The following PTH2R variants were observed in gnomAD, a reference collection of about 807,000 sequenced individuals.
PTH2R encodes the protein PTH2 receptor.
In PTH2R, 59 loss-of-function variants were observed where a neutral mutation model predicts 60.3. The ratio of observed to expected loss-of-function variants is 0.98; its 90% CI spans 0.79 to 1.22. The LOEUF is 1.22. Ranked by LOEUF, PTH2R falls within the 50% of genes most tolerant of loss-of-function variation. The pLI is 0.00. For synonymous variants in PTH2R, 256 were observed against 243.8 expected (o/e 1.05, Z -0.47); for missense variants, 749 against 682.6 (o/e 1.10, Z -1.08).
At chr2:208,389,224 GCA>G (rs1174550555) in intron 1 of PTH2R, among the ~76,000 whole-genome samples, 4 of 106,196 alleles carry the variant, frequency 3.8e-5, no homozygotes, top group Non-Finnish European at 5.6e-5. Context: ...AAAAGGAAAT[GCA>G]TACACACACA....
chr2:208,398,653 A>G (rs1381487117), intron 1 of PTH2R, among the ~76,000 whole-genome samples: 6 of 152,230 alleles, frequency 3.9e-5, no homozygotes, highest in Non-Finnish European at 1.5e-5. Flanking sequence ...ATGTAATTAG[A>G]TCAATTCCCT....
intron 7 of PTH2R, among the ~76,000 whole-genome samples, chr2:208,446,684 T>C (rs1702294035): frequency 6.6e-6 from 1 of 152,184 alleles, no homozygotes; most frequent in African/African-American, 2.4e-5. Flanking sequence ...ATGAAAATAA[T>C]AGTAGTATTC....
intron 1 of PTH2R, among the ~76,000 whole-genome samples, chr2:208,415,769 T>A (rs1212041922): frequency 6.6e-6 from 1 of 152,166 alleles, no homozygotes; most frequent in Non-Finnish European, 1.5e-5. Flanking sequence ...TAAGATGAGA[T>A]ATCACATAAC....
intron 1 of PTH2R, among the ~76,000 whole-genome samples, chr2:208,362,660 C>T (rs1188852647): frequency 6.6e-6 from 1 of 152,086 alleles, no homozygotes; most frequent in Non-Finnish European, 1.5e-5. Context: ...TCTTTGAGAC[C>T]CTGCTCTGAG....
chr2:208,444,565 G>T (rs1702249954), intron 6 of PTH2R, among the ~76,000 whole-genome samples, 169 bp from the exon 7 acceptor site: 1 of 152,128 alleles, frequency 6.6e-6, no homozygotes, highest in African/African-American at 2.4e-5. Context: ...CTTGAAAAAT[G>T]ATGCATTAAA....
chr2:208,392,899 G>A (rs1265843855), intron 1 of PTH2R, among the ~76,000 whole-genome samples: 1 of 152,172 alleles, frequency 6.6e-6, no homozygotes, highest in Non-Finnish European at 1.5e-5. Context: ...CTCTGAGACT[G>A]GTTCTGAACC....
At chr2:208,417,233 C>T (rs138998580) in intron 1 of PTH2R, among the ~76,000 whole-genome samples, 375 of 152,132 alleles carry the variant, frequency 2.5e-3, no homozygotes, top group African/African-American at 8.7e-3. Context: ...ATTTATCTCT[C>T]GAAATGCATT....
chr2:208,488,391 C>A (rs1384342446), intron 10 of PTH2R, among the ~76,000 whole-genome samples: 1 of 152,138 alleles, frequency 6.6e-6, no homozygotes, highest in East Asian at 1.9e-4. Flanking sequence ...AGCTAAACTA[C>A]TTCTATGAAA....
chr2:208,414,593 A>G (rs1410566375), intron 1 of PTH2R, among the ~76,000 whole-genome samples: 1 of 152,010 alleles, frequency 6.6e-6, no homozygotes, highest in Non-Finnish European at 1.5e-5. Flanking sequence ...ATCTATTAGA[A>G]TAAGTAATTT....
At chr2:208,471,530 G>A (rs1034858072) in intron 9 of PTH2R, among the ~76,000 whole-genome samples, 4 of 152,244 alleles carry the variant, frequency 2.6e-5, no homozygotes, top group African/African-American at 7.2e-5. Flanking sequence ...TGTTGAGCCT[G>A]TAAGTATACA....
intron 1 of PTH2R, among the ~76,000 whole-genome samples, chr2:208,389,309 G>T (rs925613289): frequency 6.6e-6 from 1 of 151,328 alleles, no homozygotes; most frequent in African/African-American, 2.4e-5. Flanking sequence ...ATACTCCTTG[G>T]TGCAGCTCTA....
intron 1 of PTH2R, among the ~76,000 whole-genome samples, chr2:208,414,358 C>T (rs1226694102): frequency 1.3e-5 from 2 of 152,006 alleles, no homozygotes; most frequent in African/African-American, 4.8e-5. Context: ...AAGTGGAGCC[C>T]ATTTAATATA....
At chr2:208,437,086 G>T (rs942953204) in intron 2 of PTH2R, among the ~76,000 whole-genome samples, 1 of 152,200 alleles carries the variant, frequency 6.6e-6, no homozygotes, top group Non-Finnish European at 1.5e-5. Context: ...AGAAGTACTG[G>T]TAAAAAGATA....
intron 10 of PTH2R, among the ~76,000 whole-genome samples, chr2:208,481,387 T>G (rs1399351582): frequency 6.6e-6 from 1 of 152,026 alleles, no homozygotes; most frequent in Non-Finnish European, 1.5e-5. Context: ...ATTTTTGTAT[T>G]TTTAGTAGAG....
Position 208,385,351 on chromosome 2 carries a change from T to C in PTH2R, c.-259+25114T>C, listed in dbSNP as rs528019645. Among the ~76,000 whole-genome samples, 105 of 152,238 alleles carry C rather than the reference T, an allele frequency of 6.9e-4. 1 individual carries two copies. Among genetic ancestry groups the C allele is most frequent in the Middle Eastern group, 3.4e-3 (1 of 294 alleles). On this transcript the variant is annotated intron_variant, in intron 1 of 12. Transcript: ENST00000617735. ...CACTAATATTCAAAGAAATGCAAAT[T>C]AGAATAATAATACCCTTGTTGCTTG...
intron 1 of PTH2R, among the ~76,000 whole-genome samples, chr2:208,386,710 G>A (rs957604421): frequency 5.3e-5 from 8 of 152,164 alleles, no homozygotes; most frequent in African/African-American, 1.9e-4. Context: ...CCCATGGTTT[G>A]CAAATCACAG....
upstream of PTH2R, chr2:208,406,763 C>T (rs1701418503): frequency 3.2e-6 from 1 of 314,924 alleles, no homozygotes; most frequent in South Asian, 1.6e-4. Flanking sequence ...CTTCCCGCCG[C>T]AGGCGGCGCG....
At chr2:208,491,906 A>G (rs963350243) in intron 12 of PTH2R, among the ~76,000 whole-genome samples, 4 of 152,132 alleles carry the variant, frequency 2.6e-5, no homozygotes, top group Admixed American at 6.5e-5. Context: ...CTCAAAATGC[A>G]TGAGGTTAGA....
intron 4 of PTH2R, among the ~76,000 whole-genome samples, chr2:208,439,328 A>G (rs1427727249): frequency 6.6e-6 from 1 of 152,100 alleles, no homozygotes; most frequent in African/African-American, 2.4e-5. Context: ...GTATAATTTA[A>G]TCTCCTTAAT....
Sources: gnomAD v4.1 joint callset for allele counts (sites outside exome capture counted in the v4.1 genomes callset) on GRCh38, gnomAD v4.1.1 for gene constraint, MANE v1.5 for transcripts, NCBI Gene and HGNC (gene_info 2026-07-23, HGNC 2026-07-21) for gene names.